The following SCMH1 variants were observed in gnomAD, a reference collection of about 807,000 sequenced individuals.
The protein encoded by SCMH1 is Scm polycomb group protein homolog 1, also known as polycomb protein SCMH1.
Under a neutral mutation model 70.8 loss-of-function variants are expected in SCMH1, and 37 were observed. That is an observed-to-expected ratio of 0.52 (90% CI 0.40 to 0.69). The LOEUF (loss-of-function observed/expected upper bound fraction) is 0.69, where lower values mean the gene tolerates loss of function less well. Ranked by LOEUF, SCMH1 falls within the 30% of genes least tolerant of loss-of-function variation. SCMH1 has a pLI of 0.00. For missense variants in SCMH1, 607 were observed against 827.3 expected (o/e 0.73, Z 3.27); for synonymous variants, 292 against 307.4 (o/e 0.95, Z 0.52).
At chr1:41,048,887 C>T (rs1381225623) in exon 11 of SCMH1, 1 of 1,612,408 alleles carries the variant, frequency 6.2e-7, no homozygotes, top group Non-Finnish European at 8.5e-7. Flanking sequence ...CAAGTAGATA[C>T]AAACTATGGG....
At chr1:41,037,607 T>A in intron 12 of SCMH1, 66 bp from the exon 13 acceptor site, 1 of 1,422,882 alleles carries the variant, frequency 7.0e-7, no homozygotes, top group Non-Finnish European at 9.8e-7. Context: ...CCCAGATACC[T>A]GTTTGAGTGG....
At chr1:41,178,050 C>T (rs1012276767) in intron 2 of SCMH1, among the ~76,000 whole-genome samples, 8 of 152,200 alleles carry the variant, frequency 5.3e-5, no homozygotes, top group African/African-American at 1.7e-4. Context: ...TCGGCAGAAA[C>T]TCCACAAGCC....
At chr1:41,098,880 G>C (rs957709506) in intron 8 of SCMH1, 3 of 177,570 alleles carry the variant, frequency 1.7e-5, no homozygotes, top group Non-Finnish European at 3.5e-5. Context: ...ACAGGAGAAA[G>C]AAATAAGCGT....
At chr1:41,062,719 A>G (rs1236145754) in intron 10 of SCMH1, among the ~76,000 whole-genome samples, 1 of 150,852 alleles carries the variant, frequency 6.6e-6, no homozygotes, top group Non-Finnish European at 1.5e-5. Context: ...AGCCTGGGGG[A>G]CAGAGAGAGA....
chr1:41,104,969 T>G (rs804662), intron 8 of SCMH1, among the ~76,000 whole-genome samples: 81,402 of 151,814 alleles, frequency 0.54, 23,567 homozygotes, highest in African/African-American at 0.77. Flanking sequence ...CTTTTTTTTT[T>G]TTTGAGATGG....
chr1:41,195,151 A>T lies in SCMH1; in HGVS notation c.-117-8901T>A, dbSNP rs1284708760. On this transcript the variant is annotated intron_variant, in intron 1 of 14. Coordinates refer to ENST00000337495, the Ensembl canonical transcript of SCMH1. ...TCTCTCAAAAAAAAAAAAAAAAAAA[A>T]AAAAAAAAGGCCAGATAATAAATAT... 2.7e-5 allele frequency among the ~76,000 whole-genome samples: 4 copies of T among 149,610 alleles called. No individual in the cohort carries two copies. In the East Asian group the frequency reaches 7.7e-4, roughly 29 times the overall value.
intron 4 of SCMH1, among the ~76,000 whole-genome samples, chr1:41,154,597 T>C (rs969739331): frequency 2.6e-5 from 4 of 152,158 alleles, no homozygotes; most frequent in Non-Finnish European, 4.4e-5. Context: ...AACAGAGACA[T>C]TAATAAACAT....
intron 12 of SCMH1, among the ~76,000 whole-genome samples, chr1:41,044,527 T>C (rs1646660981): frequency 6.6e-6 from 1 of 152,118 alleles, no homozygotes; most frequent in South Asian, 2.1e-4. Flanking sequence ...GGCTCTGGCT[T>C]GTCTGGGCAT....
At chr1:41,202,393 T>A (rs955818411) in intron 1 of SCMH1, among the ~76,000 whole-genome samples, 1 of 152,026 alleles carries the variant, frequency 6.6e-6, no homozygotes, top group African/African-American at 2.4e-5. Flanking sequence ...TTCCTCAACT[T>A]CCTCAGCTTT....
At chr1:41,178,338 C>G (rs1353240782) in intron 2 of SCMH1, among the ~76,000 whole-genome samples, 1 of 152,240 alleles carries the variant, frequency 6.6e-6, no homozygotes, top group Middle Eastern at 3.4e-3. Context: ...AACTAACGAG[C>G]AAAATAACCA....
chr1:41,086,907 C>T (rs558306232), intron 8 of SCMH1, among the ~76,000 whole-genome samples: 3 of 150,250 alleles, frequency 2.0e-5, no homozygotes, highest in Non-Finnish European at 4.4e-5. Flanking sequence ...AAAAAAAACC[C>T]CAAACACACA....
intron 2 of SCMH1, among the ~76,000 whole-genome samples, chr1:41,174,855 A>T (rs747539590): frequency 1.4e-4 from 21 of 152,230 alleles, no homozygotes; most frequent in Admixed American, 1.3e-4. Context: ...GTTACAGGCT[A>T]TCAGGAGAAG....
intron 2 of SCMH1, among the ~76,000 whole-genome samples, chr1:41,171,322 T>C (rs571993447): frequency 2.0e-5 from 3 of 152,324 alleles, no homozygotes; most frequent in African/African-American, 7.2e-5. Flanking sequence ...GCAATTCTAC[T>C]GTCAAAACTA....
In SCMH1 at chr1:41,113,164, C is replaced by A; in HGVS notation, c.745+119G>T. On this transcript the variant is annotated intron_variant, in intron 8 of 14. Transcript: ENST00000337495. The surrounding 1 kb of genome is among the most constrained non-coding windows in gnomAD (Gnocchi z 4.3). ...CTGGGTTTTTACCTAAGCTGCTGGC[C>A]CTTGCTCCTCCCCTGCATACTAGTG... 7.6e-7 allele frequency: 1 copy of A among 1,318,184 alleles called. No homozygotes were observed. The highest frequency in any genetic ancestry group is 1.0e-6 in the Non-Finnish European group (1 of 967,740). The allele number at this position is 1,318,184 out of a possible 1,614,324, so 81.7% of individuals were successfully genotyped here. A position where few individuals can be genotyped will look rare whatever the true frequency, so the allele number is the denominator to read the frequency against.
At chr1:41,150,342 A>G (rs1440621112) in intron 5 of SCMH1, among the ~76,000 whole-genome samples, 1 of 152,082 alleles carries the variant, frequency 6.6e-6, no homozygotes, top group Non-Finnish European at 1.5e-5. Context: ...GTCTCTACTA[A>G]AAGTACAAAA....
Position 41,200,235 on chromosome 1 carries a change from T to C in SCMH1, c.-117-13985A>G, listed in dbSNP as rs552243789. ...GCTCATGCCTGTAATCCCAGCACTT[T>C]GGGAGGCTGAGGCGGGTGGATCACA... On this transcript the variant is annotated intron_variant, in intron 1 of 14. Coordinates refer to ENST00000337495, the Ensembl canonical transcript of SCMH1. 4.3e-3 allele frequency among the ~76,000 whole-genome samples: 659 copies of C among 152,138 alleles called. 6 individuals carry two copies. The highest frequency in any genetic ancestry group is 0.015 in the African/African-American group (640 of 41,474).
At chr1:41,128,722 G>C (rs1673857829) in intron 6 of SCMH1, among the ~76,000 whole-genome samples, 1 of 151,988 alleles carries the variant, frequency 6.6e-6, no homozygotes, top group Non-Finnish European at 1.5e-5. Flanking sequence ...AATTTTTCAA[G>C]CATTATTTTT....
intron 4 of SCMH1, among the ~76,000 whole-genome samples, chr1:41,158,699 G>T (rs1645769166): frequency 6.6e-6 from 1 of 152,170 alleles, no homozygotes; most frequent in Admixed American, 6.5e-5. Context: ...CGTTTGGGGT[G>T]AAGTCATTCT....
exon 11 of SCMH1, chr1:41,048,748 A>G (rs368195731): frequency 1.9e-6 from 3 of 1,614,040 alleles, no homozygotes; most frequent in Non-Finnish European, 2.5e-6. Context: ...TTTTCTGGTG[A>G]TAAGCACAGT....
Sources: allele counts gnomAD v4.1 joint callset (sites outside exome capture counted in the v4.1 genomes callset), GRCh38; gene constraint gnomAD v4.1.1; non-coding constraint Gnocchi (gnomAD v3.1); transcripts MANE v1.5; gene names NCBI Gene and HGNC (gene_info 2026-07-23, HGNC 2026-07-21).